EFCAB5: variants seen among roughly 807,000 people sequenced by gnomAD.
EFCAB5 encodes EF-hand calcium-binding domain-containing protein 5.
A neutral mutation model predicts 167.9 loss-of-function variants in EFCAB5; 131 were observed. The ratio of observed to expected loss-of-function variants is 0.78; its 90% CI spans 0.68 to 0.90. EFCAB5 has a LOEUF of 0.90. Among genes scored for constraint, EFCAB5 ranks in the 40% least tolerant of loss-of-function variants. The pLI is 0.00. For missense variants in EFCAB5, 1,663 were observed against 1,745.2 expected (o/e 0.95, Z 0.84); for synonymous variants, 574 against 602.8 (o/e 0.95, Z 0.70).
In EFCAB5 at chr17:30,053,671, A is replaced by G. The variant is rs1597731149; in HGVS notation, c.1717A>G (p.Thr573Ala). 2.5e-6 allele frequency: 4 copies of G among 1,614,020 alleles called. No individual in the cohort carries two copies. In the East Asian group the frequency reaches 8.9e-5, roughly 36 times the overall value. Residue 573 changes from threonine to alanine, a missense_variant, in exon 10 of 23, where the codon ACT becomes GCT. Transcript: ENST00000394835. ...AGAACAAGAAACACACAGAGAGTCAACTACAGAACAAGGACAGCACAAAGG... is the reference window on the plus strand; with the variant it reads ...AGAACAAGAAACACACAGAGAGTCAGCTACAGAACAAGGACAGCACAAAGG... Reference protein sequence around the residue: ...LTEQETHRESTTEQGQHKGSI... With the variant: ...LTEQETHRESATEQGQHKGSI...
intron 14 of EFCAB5, chr17:30,069,239 G>C: frequency 5.8e-6 from 9 of 1,543,974 alleles, no homozygotes; most frequent in Non-Finnish European, 8.1e-6. Context: ...AGAACATCCA[G>C]AAAAGATTTT....
At chr17:30,021,148 T>G (rs1284178180) in intron 7 of EFCAB5, among the ~76,000 whole-genome samples, 1 of 151,324 alleles carries the variant, frequency 6.6e-6, no homozygotes, top group Non-Finnish European at 1.5e-5. Context: ...TTTTTTTTTT[T>G]TACTAGGATG....
intron 20 of EFCAB5, among the ~76,000 whole-genome samples, chr17:30,091,262 T>A (rs1323531192): frequency 1.3e-5 from 2 of 152,168 alleles, no homozygotes; most frequent in Non-Finnish European, 2.9e-5. Context: ...TGATTCCACA[T>A]CCACTAGGCT....
At chr17:30,085,157 A>G (rs2071063065) in intron 18 of EFCAB5, among the ~76,000 whole-genome samples, 1 of 152,170 alleles carries the variant, frequency 6.6e-6, no homozygotes. Flanking sequence ...TACGAATTAT[A>G]AAGTAAATCC....
chr17:30,020,549 G>A (rs1297465299), intron 7 of EFCAB5, among the ~76,000 whole-genome samples: 1 of 151,814 alleles, frequency 6.6e-6, no homozygotes, highest in African/African-American at 2.4e-5. Context: ...ATTTTTAGTA[G>A]AGGCCAAGTT....
intron 6 of EFCAB5, among the ~76,000 whole-genome samples, chr17:29,997,426 T>G (rs886415762): frequency 6.6e-6 from 1 of 151,856 alleles, no homozygotes; most frequent in Non-Finnish European, 1.5e-5. Context: ...GTTTTTGACA[T>G]TTTGGAATAG....
intron 22 of EFCAB5, among the ~76,000 whole-genome samples, chr17:30,103,033 A>T (rs969654040): frequency 3.3e-5 from 5 of 151,650 alleles, no homozygotes; most frequent in African/African-American, 9.7e-5. Flanking sequence ...GAGACAGACC[A>T]TGTTGCCCAG....
intron 4 of EFCAB5, among the ~76,000 whole-genome samples, chr17:29,973,777 G>C (rs557514639): frequency 1.3e-5 from 2 of 151,470 alleles, no homozygotes; most frequent in Non-Finnish European, 2.9e-5. Context: ...CGCCTGGCCT[G>C]TATTTCCTTT....
At chr17:29,953,639 C>T (rs951365919) in intron 3 of EFCAB5, among the ~76,000 whole-genome samples, 2 of 152,146 alleles carry the variant, frequency 1.3e-5, no homozygotes, top group Non-Finnish European at 2.9e-5. Context: ...TATAAATTAC[C>T]CAGTCTCAGG....
intron 22 of EFCAB5, among the ~76,000 whole-genome samples, chr17:30,096,091 A>G (rs904945197): frequency 2.6e-5 from 4 of 152,194 alleles, no homozygotes; most frequent in African/African-American, 9.7e-5. Flanking sequence ...TTAGACAAGT[A>G]CTCATACAAT....
chr17:30,007,660 T>C (rs879033837), intron 7 of EFCAB5, among the ~76,000 whole-genome samples: 1 of 152,154 alleles, frequency 6.6e-6, no homozygotes, highest in Admixed American at 6.5e-5. Flanking sequence ...AATTCCAAGA[T>C]GAGTGGTTTT....
chr17:29,978,598 A>G (rs562776472), intron 4 of EFCAB5, among the ~76,000 whole-genome samples: 76 of 152,262 alleles, frequency 5.0e-4, no homozygotes, highest in African/African-American at 1.7e-3. Flanking sequence ...GGTTTGCTTC[A>G]ATGATATAGA....
chr17:30,038,329 A>G (rs1352775625), intron 8 of EFCAB5, among the ~76,000 whole-genome samples: 1 of 152,238 alleles, frequency 6.6e-6, no homozygotes, highest in Non-Finnish European at 1.5e-5. Flanking sequence ...CCTGTGCTCT[A>G]TAAAGGAAAC....
At chr17:29,931,633 G>A (rs893665151) in intron 1 of EFCAB5, among the ~76,000 whole-genome samples, 3 of 152,122 alleles carry the variant, frequency 2.0e-5, no homozygotes, top group East Asian at 3.9e-4. Flanking sequence ...GAGCTCCGTA[G>A]TAAACAGGAA....
In EFCAB5 at chr17:30,090,637, C is replaced by G. The variant is rs373266590; in HGVS notation, c.3900C>G (p.Gly1300=). The G allele has an allele frequency of 6.2e-7, 1 of 1,613,688 alleles. No homozygotes were observed. The highest frequency in any genetic ancestry group is 8.5e-7 in the Non-Finnish European group (1 of 1,179,834). The change falls in exon 20 of 23, where the codon GGC becomes GGG. Residue 1300 remains glycine, a synonymous_variant. Coordinates refer to ENST00000394835, the MANE Select transcript of EFCAB5 (RefSeq NM_198529.4). ...AAGTGGCCTGCTATGAAATACTTGGCGAGTTCTCTGGAGAGATAAAGAAAA... is the reference window on the plus strand; with the variant it reads ...AAGTGGCCTGCTATGAAATACTTGGGGAGTTCTCTGGAGAGATAAAGAAAA... The part of the protein sequence containing the change: ...VVQVACYEIL[G]EFSGEIKKKY...
intron 22 of EFCAB5, among the ~76,000 whole-genome samples, chr17:30,094,507 CA>C (rs57885339): frequency 0.041 from 1,660 of 40,668 alleles, 38 homozygotes; most frequent in African/African-American, 0.089. Context: ...CTTGTCTCTC[CA>C]AAAAAAAAAA....
intron 7 of EFCAB5, among the ~76,000 whole-genome samples, chr17:30,005,317 G>T (rs181119764): frequency 7.9e-4 from 120 of 152,206 alleles, no homozygotes; most frequent in Non-Finnish European, 1.5e-3. Context: ...CTCCAGCCTG[G>T]ATGACAGAGC....
chr17:30,027,565 C>T (rs1187885978), intron 7 of EFCAB5, among the ~76,000 whole-genome samples: 1 of 151,898 alleles, frequency 6.6e-6, no homozygotes, highest in African/African-American at 2.4e-5. Context: ...ATACAGCATA[C>T]GTCCAAACAG....
At chr17:29,974,021 G>A (rs1173798896) in intron 4 of EFCAB5, among the ~76,000 whole-genome samples, 1 of 151,498 alleles carries the variant, frequency 6.6e-6, no homozygotes, top group Non-Finnish European at 1.5e-5. Context: ...ACTGAGTGTG[G>A]TGGTGTGTGC....
Sources: gnomAD v4.1 joint callset for allele counts (sites outside exome capture counted in the v4.1 genomes callset) on GRCh38, gnomAD v4.1.1 for gene constraint, MANE v1.5 for transcripts, NCBI Gene and HGNC (gene_info 2026-07-23, HGNC 2026-07-21) for gene names.